RBPMS: variants seen among roughly 807,000 people sequenced by gnomAD.
The protein encoded by RBPMS is RNA binding protein, mRNA processing factor.
A neutral mutation model predicts 26.8 loss-of-function variants in RBPMS; 7 were observed. The observed-to-expected ratio is 0.26, with a 90% CI of 0.15 to 0.49. The LOEUF (loss-of-function observed/expected upper bound fraction) is 0.49, where lower values mean the gene tolerates loss of function less well. Ranked by LOEUF, RBPMS falls within the 20% of genes least tolerant of loss-of-function variation. The probability of loss-of-function intolerance (pLI) is 0.98; values close to 1 mark genes in which losing one functional copy is unlikely to be tolerated. For missense variants in RBPMS, 186 were observed against 250.0 expected (o/e 0.74, Z 1.73); for synonymous variants, 96 against 93.3 (o/e 1.03, Z -0.17).
At chr8:30,464,463 A>T (rs1322202693) in intron 1 of RBPMS, among the ~76,000 whole-genome samples, 1 of 152,214 alleles carries the variant, frequency 6.6e-6, no homozygotes, top group African/African-American at 2.4e-5. Flanking sequence ...AATTGTTAGA[A>T]GCATATTGCA....
intron 1 of RBPMS, among the ~76,000 whole-genome samples, chr8:30,391,237 G>T (rs1807758664): frequency 6.6e-6 from 1 of 152,248 alleles, no homozygotes; most frequent in African/African-American, 2.4e-5. Flanking sequence ...TTCACCATTA[G>T]AATTTGGTTT....
chr8:30,409,693 C>A (rs961752443), intron 1 of RBPMS, among the ~76,000 whole-genome samples: 1 of 151,492 alleles, frequency 6.6e-6, no homozygotes, highest in Non-Finnish European at 1.5e-5. Context: ...AGTGCAGTGG[C>A]GCGATCTCGG....
At chr8:30,489,546 G>C (rs901260285) in intron 4 of RBPMS, among the ~76,000 whole-genome samples, 1 of 151,300 alleles carries the variant, frequency 6.6e-6, no homozygotes, top group Non-Finnish European at 1.5e-5. Flanking sequence ...CCAGGTTCAA[G>C]GTATTCTTCT....
At chr8:30,502,654 G>A (rs1041158446) in intron 4 of RBPMS, among the ~76,000 whole-genome samples, 3 of 152,168 alleles carry the variant, frequency 2.0e-5, no homozygotes, top group Admixed American at 6.5e-5. Flanking sequence ...CAGGGACTGT[G>A]CTTGCCTCCC....
At chr8:30,519,073 T>C (rs989923768) in intron 5 of RBPMS, among the ~76,000 whole-genome samples, 9 of 152,154 alleles carry the variant, frequency 5.9e-5, no homozygotes, top group African/African-American at 1.9e-4. Context: ...ACAAACATCT[T>C]AGGACTCCTG....
intron 4 of RBPMS, among the ~76,000 whole-genome samples, chr8:30,480,816 A>G (rs989909491): frequency 6.6e-6 from 1 of 152,250 alleles, no homozygotes; most frequent in African/African-American, 2.4e-5. Context: ...CACAATTTCA[A>G]TTTAGCAGTG....
chr8:30,486,267 G>A (rs1295525266), intron 4 of RBPMS, among the ~76,000 whole-genome samples: 4 of 152,012 alleles, frequency 2.6e-5, no homozygotes, highest in African/African-American at 9.7e-5. Flanking sequence ...TTGAACCTAG[G>A]AGGCGGAGGT....
intron 6 of RBPMS, among the ~76,000 whole-genome samples, chr8:30,549,813 T>C (rs1332801335): frequency 7.7e-6 from 1 of 130,658 alleles, no homozygotes; most frequent in African/African-American, 3.0e-5. Context: ...CTCCTCTCTC[T>C]CTCTCTCTCT....
intron 1 of RBPMS, among the ~76,000 whole-genome samples, chr8:30,452,322 T>C (rs1814681466): frequency 6.6e-6 from 1 of 152,126 alleles, no homozygotes; most frequent in Non-Finnish European, 1.5e-5. Flanking sequence ...ACAGAGATGA[T>C]TGTACCCAGT....
intron 5 of RBPMS, among the ~76,000 whole-genome samples, chr8:30,531,250 A>G (rs1824196549): frequency 6.6e-6 from 1 of 152,144 alleles, no homozygotes; most frequent in South Asian, 2.1e-4. Flanking sequence ...TCATTCTAAA[A>G]TGTTCTGAAG....
At chr8:30,450,006 A>C (rs1814365128) in intron 1 of RBPMS, among the ~76,000 whole-genome samples, 2 of 152,220 alleles carry the variant, frequency 1.3e-5, no homozygotes, top group African/African-American at 4.8e-5. Context: ...AAGCCTTTTT[A>C]AAGAACAGTT....
chr8:30,522,250 A>G, intron 5 of RBPMS, among the ~76,000 whole-genome samples: 1 of 151,818 alleles, frequency 6.6e-6, no homozygotes, highest in East Asian at 1.9e-4. Context: ...CTTGGGCAAC[A>G]TAGTGAGACC....
Position 30,446,914 on chromosome 8 carries a change from A to G in RBPMS, c.67-27865A>G, listed in dbSNP as rs866784611. On this transcript the variant is annotated intron_variant, in intron 1 of 8. Coordinates refer to ENST00000397323, the MANE Select transcript of RBPMS (RefSeq NM_001008710.3). ...TCAGTATTTTGCCCAAGGTGACTTT[A>G]TATTTTGATTCTCTGCCATCTTCAA... 1.3e-4 allele frequency: 19 copies of G among 151,790 alleles called. No individual in the cohort carries two copies. The Middle Eastern group carries it at 0.017, about 137-fold the overall frequency. The allele number at this position is 151,790 out of a possible 1,614,324, so 9.4% of individuals were successfully genotyped here. A position where few individuals can be genotyped will look rare whatever the true frequency, so the allele number is the denominator to read the frequency against.
intron 1 of RBPMS, among the ~76,000 whole-genome samples, chr8:30,422,965 C>T (rs1381981548): frequency 6.6e-6 from 1 of 152,144 alleles, no homozygotes; most frequent in Non-Finnish European, 1.5e-5. Context: ...GCAGCAAGTC[C>T]CTTTCTTCTA....
chr8:30,393,324 C>T (rs977630692), intron 1 of RBPMS, among the ~76,000 whole-genome samples: 4 of 151,866 alleles, frequency 2.6e-5, no homozygotes, highest in Non-Finnish European at 5.9e-5. Context: ...TTTTACTTCT[C>T]CAACTCTCCA....
chr8:30,458,736 C>T (rs950301121), intron 1 of RBPMS, among the ~76,000 whole-genome samples: 1 of 152,084 alleles, frequency 6.6e-6, no homozygotes, highest in African/African-American at 2.4e-5. Context: ...TTTTTTGAGA[C>T]GGGATCTCAC....
In RBPMS at chr8:30,495,181, A is replaced by T. The variant is rs1188874271; in HGVS notation, c.247-9105A>T. Among the ~76,000 whole-genome samples, 4 of 152,230 alleles carry T rather than the reference A, an allele frequency of 2.6e-5. No individual in the cohort carries two copies. The East Asian group carries it at 7.7e-4, about 29-fold the overall frequency. ...TAAACCTGTGGAAACATTCTAGACT[A>T]GACATGGAAACATATTCCTGTCTGT... On this transcript the variant is annotated intron_variant, in intron 4 of 8. Coordinates refer to ENST00000397323, the MANE Select transcript of RBPMS (RefSeq NM_001008710.3).
chr8:30,545,847 A>G (rs1416091467), intron 6 of RBPMS, among the ~76,000 whole-genome samples: 2 of 152,110 alleles, frequency 1.3e-5, no homozygotes, highest in Non-Finnish European at 2.9e-5. Context: ...ATTGCCCTCT[A>G]TGTTGGGAGA....
intron 6 of RBPMS, chr8:30,556,791 G>A (rs1214207027): frequency 1.0e-5 from 10 of 985,918 alleles, no homozygotes; most frequent in Non-Finnish European, 9.6e-6. Context: ...GCCATGAGCC[G>A]TGGGTAGGTA....
Sources: allele counts gnomAD v4.1 joint callset (sites outside exome capture counted in the v4.1 genomes callset), GRCh38; gene constraint gnomAD v4.1.1; transcripts MANE v1.5; gene names NCBI Gene and HGNC (gene_info 2026-07-23, HGNC 2026-07-21).